The following PTPRN2 variants were observed in gnomAD, a reference collection of about 807,000 sequenced individuals.
PTPRN2 encodes the protein receptor-type tyrosine-protein phosphatase N2.
PTPRN2 carries 74 observed loss-of-function variants against 118.8 expected under a neutral mutation model. The observed-to-expected ratio is 0.62, with a 90% confidence interval of 0.52 to 0.76. PTPRN2 has a LOEUF of 0.76. Ranked by LOEUF, PTPRN2 falls within the 30% of genes least tolerant of loss-of-function variation. The probability of loss-of-function intolerance (pLI) is 0.00; values close to 1 mark genes in which losing one functional copy is unlikely to be tolerated. For synonymous variants in PTPRN2, 641 were observed against 608.0 expected (o/e 1.05, Z -0.80); for missense variants, 1,481 against 1,394.4 (o/e 1.06, Z -0.99).
chr7:157,814,833 G>A (rs1806290721), intron 12 of PTPRN2, among the ~76,000 whole-genome samples: 1 of 152,204 alleles, frequency 6.6e-6, no homozygotes, highest in South Asian at 2.1e-4. Flanking sequence ...CAGCTTTGCA[G>A]GCAGCCTGTT....
chr7:157,978,262 G>A (rs566786974), intron 11 of PTPRN2, among the ~76,000 whole-genome samples: 2 of 152,048 alleles, frequency 1.3e-5, no homozygotes, highest in East Asian at 3.9e-4. Flanking sequence ...AACAGCTCCC[G>A]TGTGGTGCTG....
rs1047549224 is a variant in PTPRN2, at chr7:157,610,084, C to T, written c.2345-6009G>A. Among the ~76,000 whole-genome samples the T allele has an allele frequency of 3.3e-5, 5 of 152,236 alleles. No homozygotes were observed. Among genetic ancestry groups the T allele is most frequent in the Non-Finnish European group, 7.3e-5 (5 of 68,042 alleles). ...TGAGGACGGCATTCCCCCAGGCCTC[C>T]TGGCTTGCTGTCCACACTCAGGAAG... is the stretch of plus-strand genomic sequence containing the variant. On this transcript the variant is annotated intron_variant, in intron 15 of 22. Transcript: ENST00000389418. The surrounding 1 kb of genome is among the most constrained non-coding windows in gnomAD (Gnocchi z 5.1).
At chr7:157,702,095 C>T (rs568934195) in intron 12 of PTPRN2, among the ~76,000 whole-genome samples, 6 of 146,840 alleles carry the variant, frequency 4.1e-5, no homozygotes, top group Non-Finnish European at 7.5e-5. Context: ...AAAGCCTGGT[C>T]GGTCCTGGTG....
intron 14 of PTPRN2, among the ~76,000 whole-genome samples, chr7:157,645,976 G>A (rs1015066611): frequency 7.9e-5 from 12 of 152,340 alleles, no homozygotes; most frequent in African/African-American, 2.2e-4. Flanking sequence ...GGTGCAAGAC[G>A]TAAGGGCTAA....
intron 15 of PTPRN2, among the ~76,000 whole-genome samples, chr7:157,608,670 G>C (rs1802149655): frequency 6.6e-6 from 1 of 152,210 alleles, no homozygotes; most frequent in Admixed American, 6.5e-5. Context: ...CGTGTTCTAT[G>C]AAGTGAAGGG....
intron 3 of PTPRN2, among the ~76,000 whole-genome samples, chr7:158,270,003 C>T (rs115020902): frequency 0.013 from 2,048 of 152,304 alleles, 54 homozygotes; most frequent in African/African-American, 0.047. Flanking sequence ...GAGACAGAGT[C>T]CCAGCAGTTG....
intron 17 of PTPRN2, among the ~76,000 whole-genome samples, chr7:157,586,476 A>C (rs1448148978): frequency 6.6e-6 from 1 of 152,248 alleles, no homozygotes; most frequent in African/African-American, 2.4e-5. Flanking sequence ...TTTTGGAGCC[A>C]GACCACTTAA....
chr7:158,341,324 G>A (rs1360313846), intron 2 of PTPRN2, among the ~76,000 whole-genome samples: 3 of 145,732 alleles, frequency 2.1e-5, no homozygotes, highest in Non-Finnish European at 3.0e-5. Flanking sequence ...ACCCACACAC[G>A]TCACTCACAC....
intron 1 of PTPRN2, among the ~76,000 whole-genome samples, chr7:158,524,657 C>T (rs1824635774): frequency 6.6e-6 from 1 of 152,166 alleles, no homozygotes. Context: ...CCCAGTGCCT[C>T]AGAAGGTGAC....
chr7:157,901,569 T>C (rs10277229), intron 11 of PTPRN2, among the ~76,000 whole-genome samples: 1,607 of 152,380 alleles, frequency 0.011, 33 homozygotes, highest in African/African-American at 0.036. Context: ...GTGCATGTTT[T>C]TATCATTCAA....
At chr7:158,415,568 G>A (rs1814589594) in intron 2 of PTPRN2, among the ~76,000 whole-genome samples, 1 of 152,182 alleles carries the variant, frequency 6.6e-6, no homozygotes, top group African/African-American at 2.4e-5. Context: ...TGGATGTACA[G>A]AAAGGGTTTA....
chr7:158,002,143 C>T lies in PTPRN2; in HGVS notation c.1723+79155G>A, dbSNP rs145656435. 6.9e-4 allele frequency among the ~76,000 whole-genome samples: 105 copies of T among 152,320 alleles called. 1 individual carries two copies. The Middle Eastern group carries it at 0.017, about 25-fold the overall frequency. The stretch of plus-strand genomic sequence containing the variant: ...GAGCCACATCTCACCACCAAATGCC[C>T]TTTTATGGGAACTGAGGTGCAAAGC... On this transcript the variant is annotated intron_variant, in intron 11 of 22. Coordinates refer to ENST00000389418, the MANE Select transcript of PTPRN2 (RefSeq NM_002847.5).
At chr7:158,056,001 C>A (rs182982082) in intron 11 of PTPRN2, among the ~76,000 whole-genome samples, 1 of 152,226 alleles carries the variant, frequency 6.6e-6, no homozygotes, top group Non-Finnish European at 1.5e-5. Flanking sequence ...CCAGACCCCA[C>A]TGCCTGTGGG....
intron 11 of PTPRN2, among the ~76,000 whole-genome samples, chr7:157,916,772 A>T (rs1320533631): frequency 1.3e-5 from 2 of 148,640 alleles, no homozygotes; most frequent in African/African-American, 2.5e-5. Context: ...CCACTCCGGG[A>T]CACGTCCAAC....
At chr7:158,528,243 G>T (rs1284196286) in intron 1 of PTPRN2, among the ~76,000 whole-genome samples, 3 of 152,308 alleles carry the variant, frequency 2.0e-5, no homozygotes, top group East Asian at 3.9e-4. Flanking sequence ...AGTGTGGTGG[G>T]GGTACCCGTG....
At chr7:158,337,627 T>C (rs776388720) in intron 2 of PTPRN2, among the ~76,000 whole-genome samples, 2,127 of 80,690 alleles carry the variant, frequency 0.026, 1 homozygote, top group South Asian at 0.029. Context: ...AGGAGACACC[T>C]GCAGACGTCA....
At chr7:157,562,121 C>G (rs781320166) in intron 21 of PTPRN2, among the ~76,000 whole-genome samples, 7 of 152,204 alleles carry the variant, frequency 4.6e-5, no homozygotes, top group Non-Finnish European at 1.0e-4. Context: ...CAGAGTGGCC[C>G]ACCAAGGGGG....
chr7:158,016,633 C>T (rs113656371), intron 11 of PTPRN2, among the ~76,000 whole-genome samples: 6 of 152,326 alleles, frequency 3.9e-5, no homozygotes, highest in African/African-American at 1.2e-4. Flanking sequence ...GAGTCAGTTC[C>T]GTGAAACACA....
chr7:158,382,277 C>T (rs1235009310), intron 2 of PTPRN2, among the ~76,000 whole-genome samples: 2 of 152,104 alleles, frequency 1.3e-5, no homozygotes, highest in East Asian at 1.9e-4. Context: ...GAGGATGGGG[C>T]CACTGCATCA....
Sources: gnomAD v4.1 joint callset for allele counts (sites outside exome capture counted in the v4.1 genomes callset) on GRCh38, gnomAD v4.1.1 for gene constraint, Gnocchi (gnomAD v3.1) non-coding constraint, MANE v1.5 for transcripts, NCBI Gene and HGNC (gene_info 2026-07-23, HGNC 2026-07-21) for gene names.